The following SPTB variants were observed in gnomAD, a reference collection of about 807,000 sequenced individuals.
SPTB encodes the protein spectrin beta, erythrocytic, also known as spectrin beta chain, erythrocytic.
SPTB carries 45 observed loss-of-function variants against 256.2 expected under a neutral mutation model. That is an observed-to-expected ratio of 0.18 (90% CI 0.14 to 0.23). The LOEUF (loss-of-function observed/expected upper bound fraction) is 0.23. SPTB is among the 10% of genes least tolerant of loss of function. The probability of loss-of-function intolerance (pLI) is 1.00; values close to 1 mark genes in which losing one functional copy is unlikely to be tolerated. For missense variants in SPTB, 2,715 were observed against 3,040.4 expected, an observed-to-expected ratio of 0.89 and a Z score of 2.52; for synonymous variants, 1,231 against 1,243.1, an observed-to-expected ratio of 0.99 and a Z score of 0.21.
intron 20 of SPTB, among the ~76,000 whole-genome samples, chr14:64,781,214 A>C (rs1443916100): frequency 1.3e-5 from 2 of 152,258 alleles, no homozygotes; most frequent in African/African-American, 4.8e-5. Context: ...AAAAGCAAAA[A>C]TTGGCAAATG....
intron 1 of SPTB, among the ~76,000 whole-genome samples, chr14:64,864,809 A>G (rs2063830123): frequency 6.6e-6 from 1 of 152,156 alleles, no homozygotes; most frequent in African/African-American, 2.4e-5. Context: ...ACTGGTTTTT[A>G]AAAAGTTATA....
Position 64,767,740 on chromosome 14 carries a change from T to C in SPTB, c.6142A>G (p.Ile2048Val). The change falls in exon 30 of 36, where the codon ATC becomes GTC. Residue 2048 changes from isoleucine to valine, a missense_variant. Ile to Val is a conservative substitution (Grantham distance 29). This residue lies in a region of SPTB where 2,239 missense variants were observed against 2,384.4 expected (regional missense o/e 0.94). Coordinates refer to ENST00000644917, the MANE Select transcript of SPTB (RefSeq NM_001355436.2). ...TTCTCAAAAGCCTCATGCCTCTTGATGAGCTTCTCCACACTGTCCACTGTG... is the reference window on the plus strand; with the variant it reads ...TTCTCAAAAGCCTCATGCCTCTTGACGAGCTTCTCCACACTGTCCACTGTG... ...GHTVDSVEKL[I>V]KRHEAFEKST... The C allele has an allele frequency of 6.2e-7, 1 of 1,614,070 alleles. No homozygotes were observed. Among genetic ancestry groups the C allele is most frequent in the African/African-American group, 1.3e-5 (1 of 75,056 alleles).
intron 13 of SPTB, 130 bp downstream of exon 13, chr14:64,794,337 G>T (rs1594783710): frequency 1.6e-6 from 2 of 1,283,626 alleles, no homozygotes; most frequent in Non-Finnish European, 2.2e-6. Flanking sequence ...CTTCTTTCTT[G>T]GACCATTACT....
At chr14:64,848,569 GA>G (rs1484708871) in intron 1 of SPTB, among the ~76,000 whole-genome samples, 2 of 152,150 alleles carry the variant, frequency 1.3e-5, no homozygotes, top group African/African-American at 4.8e-5. Context: ...CAATATTGTT[GA>G]TAAGTTAATT....
In SPTB at chr14:64,794,606, C is replaced by A. The variant is rs1280642082; in HGVS notation, c.1656G>T (p.Leu552Phe). 5 of 1,614,154 alleles carry A rather than the reference C, an allele frequency of 3.1e-6. No individual in the cohort carries two copies. The highest frequency in any genetic ancestry group is 1.6e-4 in the Middle Eastern group (1 of 6,062). Residue 552 changes from leucine (L) to phenylalanine (F), a missense_variant, in exon 13 of 36, where the codon TTG (leucine) becomes TTT (phenylalanine). Around this residue, in one of 4 missense-constraint regions of SPTB, gnomAD observed 2,239 missense variants for 2,384.4 expected, o/e 0.94. Transcript: ENST00000644917. Reference sequence around the variant, plus strand: ...ACAAGTGCTTCCCAAACTCGGCAGACAAGAGGTGAGCCTGGCAAAGAGAAC... The same window carrying A: ...ACAAGTGCTTCCCAAACTCGGCAGAAAAGAGGTGAGCCTGGCAAAGAGAAC... ...DWMDEIKAHL[L>F]SAEFGKHLLE...
In SPTB at chr14:64,748,427, G is replaced by A. The variant is rs1455868706; in HGVS notation, c.*879C>T. 1 of 152,362 alleles carries A rather than the reference G, an allele frequency of 6.6e-6. No homozygotes were observed. Among genetic ancestry groups the A allele is most frequent in the Non-Finnish European group, 1.5e-5 (1 of 68,168 alleles). 9.4% of individuals were successfully genotyped at this position (152,362 alleles called of 1,614,324 possible). On this transcript the variant is annotated 3_prime_UTR_variant, in exon 36 of 36. Coordinates refer to ENST00000644917, the MANE Select transcript of SPTB (RefSeq NM_001355436.2). Reference sequence around the variant, plus strand: ...GAGGGTCCCAGCATTGAGAGGGAGAGCCTTAGGCAGTGTTGTGACGCACCT... The same window carrying A: ...GAGGGTCCCAGCATTGAGAGGGAGAACCTTAGGCAGTGTTGTGACGCACCT...
intron 32 of SPTB, chr14:64,756,523 C>G (rs893790196): frequency 2.6e-5 from 4 of 151,308 alleles, no homozygotes; most frequent in African/African-American, 7.3e-5. Flanking sequence ...GAGCCGAGAT[C>G]ACACCACTGC....
chr14:64,793,601 C>T lies in SPTB; in HGVS notation c.2062G>A (p.Gly688Arg). Residue 688 changes from glycine to arginine, a missense_variant, in exon 14 of 36, where the codon GGG becomes AGG. Coordinates refer to ENST00000644917, the MANE Select transcript of SPTB (RefSeq NM_001355436.2). This position sits in a 1 kb window ranked among gnomAD's most constrained non-coding sequence, Gnocchi z 7.0. ...ATCTGCTCCAGGTGAGCATCCAGCC[C>T]ACGGAGCTCATCCTCAAAGGCCTTG... ...KHKAFEDELR[G>R]LDAHLEQIFQ... 1 of 1,614,200 alleles carries T rather than the reference C, an allele frequency of 6.2e-7. No homozygotes were observed. The highest frequency in any genetic ancestry group is 1.1e-5 in the South Asian group (1 of 91,080).
rs768149559 is a variant in SPTB, at chr14:64,785,657, A to T, written c.3765-30T>A. The T allele has an allele frequency of 6.2e-7, 1 of 1,613,700 alleles. No individual in the cohort carries two copies. Among genetic ancestry groups the T allele is most frequent in the Admixed American group, 1.7e-5 (1 of 60,026 alleles). On this transcript the variant is annotated intron_variant, in intron 17 of 35. Coordinates refer to ENST00000644917, the MANE Select transcript of SPTB (RefSeq NM_001355436.2). The surrounding 1 kb of genome is among the most constrained non-coding windows in gnomAD (Gnocchi z 4.4). Reference sequence around the variant, plus strand: ...AAAGGAAGCCAAAAGCACAGTCACAATAGTGCCGAGCTTGGGGTCCTCACC... The same window carrying T: ...AAAGGAAGCCAAAAGCACAGTCACATTAGTGCCGAGCTTGGGGTCCTCACC...
intron 1 of SPTB, among the ~76,000 whole-genome samples, chr14:64,839,592 A>T (rs2083574618): frequency 1.3e-5 from 2 of 152,238 alleles, no homozygotes; most frequent in Middle Eastern, 3.2e-3. Flanking sequence ...TAAAAGCAAC[A>T]TATTAAAACT....
intron 2 of SPTB, among the ~76,000 whole-genome samples, chr14:64,808,013 C>G (rs375014431): frequency 3.9e-5 from 6 of 152,234 alleles, no homozygotes; most frequent in Non-Finnish European, 8.8e-5. Flanking sequence ...TCTCATTCCT[C>G]TCTGTTCCTC....
In SPTB at chr14:64,750,053, G is replaced by A; in HGVS notation, c.6704C>T (p.Pro2235Leu). ...ACAGATGGCATGTCTCAGGGCCAGG[G>A]GTTCCTCCCCATGGTAGGGCATCCC... ...ALGMPYHGEE[P>L]LALRHAICEI... is the part of the protein sequence containing the mutation. The change falls in exon 34 of 36, where the codon CCC becomes CTC. Residue 2235 changes from proline (P) to leucine (L), a missense_variant. By Grantham distance (98) the Pro-to-Leu change is moderately conservative. Transcript: ENST00000644917. 6.2e-7 allele frequency: 1 copy of A among 1,614,152 alleles called. No individual in the cohort carries two copies.
At chr14:64,869,899 G>A (rs1055519143) in intron 1 of SPTB, among the ~76,000 whole-genome samples, 4 of 151,548 alleles carry the variant, frequency 2.6e-5, no homozygotes, top group Non-Finnish European at 5.9e-5. Context: ...TAAAGTGCTG[G>A]GATTATAGGC....
chr14:64,782,414 G>A lies in SPTB; in HGVS notation c.4142C>T (p.Ser1381Phe). The A allele has an allele frequency of 6.2e-7, 1 of 1,614,152 alleles. No homozygotes were observed. The highest frequency in any genetic ancestry group is 8.5e-7 in the Non-Finnish European group (1 of 1,180,044). ...AGCATGGGTCTGCAAGCGCAGGTCG[G>A]AGCTCCTGGCAGCCGAGAGGTGCTG... ...KTQHLSAARS[S>F]DLRLQTHADL... The change falls in exon 20 of 36, where the codon TCC becomes TTC. Residue 1381 changes from serine (S) to phenylalanine (F), a missense_variant. By Grantham distance (155) the Ser-to-Phe change is radical. Coordinates refer to ENST00000644917, the MANE Select transcript of SPTB (RefSeq NM_001355436.2).
chr14:64,792,829 G>C lies in SPTB; in HGVS notation c.2666+168C>G, dbSNP rs1480446964. Among the ~76,000 whole-genome samples, 6 of 152,230 alleles carry C rather than the reference G, an allele frequency of 3.9e-5. No homozygotes were observed. The highest frequency in any genetic ancestry group is 8.8e-5 in the Non-Finnish European group (6 of 68,040). On this transcript the variant is annotated intron_variant, in intron 14 of 35. Coordinates refer to ENST00000644917, the MANE Select transcript of SPTB (RefSeq NM_001355436.2). This position sits in a 1 kb window ranked among gnomAD's most constrained non-coding sequence, Gnocchi z 4.2. ...AAAGGGTGAAGTACCCCAGGCCACA[G>C]AGCCAGAATAGAACTTATGACTCCT...
At position 64,779,599 on chromosome 14, in the gene SPTB, C is replaced by T. The variant is rs1242129234; in HGVS notation, c.4473+126G>A. On this transcript the variant is annotated intron_variant, in intron 21 of 35. Coordinates refer to ENST00000644917, the MANE Select transcript of SPTB (RefSeq NM_001355436.2). This position sits in a 1 kb window ranked among gnomAD's most constrained non-coding sequence, Gnocchi z 4.2. ...ATTTAATGTAATCCTCACAAGAACC[C>T]TATGAGATAAGGGGTGAGGTGACCA... The T allele has an allele frequency of 6.2e-6, 6 of 961,082 alleles. No individual in the cohort carries two copies. The African/African-American group carries it at 6.4e-5, about 10-fold the overall frequency. The allele number at this position is 961,082 out of a possible 1,614,324, so 59.5% of individuals were successfully genotyped here.
rs1594817179 is a variant in SPTB at position 64,824,584 on chromosome 14, C to T, written c.-51-1439G>A. The stretch of plus-strand genomic sequence containing the variant: ...AGCCTTCACAACCAAGAGAGCAAAG[C>T]GGGAGGCAGGGAGGCTGTGAGGCAG... On this transcript the variant is annotated intron_variant, in intron 1 of 35. Transcript: ENST00000644917. The surrounding 1 kb of genome is among the most constrained non-coding windows in gnomAD (Gnocchi z 5.7). 6.6e-6 allele frequency among the ~76,000 whole-genome samples: 1 copy of T among 152,038 alleles called. No homozygotes were observed. Among genetic ancestry groups the T allele is most frequent in the African/African-American group, 2.4e-5 (1 of 41,406 alleles).
At chr14:64,857,250 A>AG (rs2083887967) in intron 1 of SPTB, among the ~76,000 whole-genome samples, 2 of 152,288 alleles carry the variant, frequency 1.3e-5, no homozygotes, top group South Asian at 4.1e-4. Context: ...GAAACCACAA[A>AG]GAGCATCATC....
At chr14:64,794,329 T>TC in intron 13 of SPTB, 138 bp downstream of exon 13, 1 of 1,231,990 alleles carries the variant, frequency 8.1e-7, no homozygotes, top group Non-Finnish European at 1.2e-6. Context: ...CCCTCAAGCT[T>TC]CTTTCTTGGA....
Sources: allele counts gnomAD v4.1 joint callset (sites outside exome capture counted in the v4.1 genomes callset), GRCh38; gene constraint gnomAD v4.1.1; regional missense constraint gnomAD v4.1.1; non-coding constraint Gnocchi (gnomAD v3.1); transcripts MANE v1.5; gene names NCBI Gene and HGNC (gene_info 2026-07-23, HGNC 2026-07-21).